Variants in DENND5A observed in about 807,000 individuals in gnomAD.
DENND5A encodes DENN domain containing 5A.
A neutral mutation model predicts 140.3 loss-of-function variants in DENND5A; 64 were observed. The observed-to-expected ratio is 0.46, with a 90% CI of 0.37 to 0.56. The LOEUF (loss-of-function observed/expected upper bound fraction) is 0.56, where lower values mean the gene tolerates loss of function less well. DENND5A is among the 20% of genes least tolerant of loss of function. DENND5A has a pLI of 0.00. For synonymous variants in DENND5A, 605 were observed against 607.7 expected, an observed-to-expected ratio of 1.00 and a Z score of 0.07; for missense variants, 1,292 against 1,593.8, an observed-to-expected ratio of 0.81 and a Z score of 3.22.
chr11:9,243,115 A>AAAAAAC (rs1564936263), intron 1 of DENND5A, among the ~76,000 whole-genome samples: 1 of 149,852 alleles, frequency 6.7e-6, no homozygotes. Context: ...CAAAAAAAAA[A>AAAAAAC]ACTGAGGCGA....
chr11:9,203,619 A>G (rs1436188390), intron 4 of DENND5A, 41 bp downstream of exon 4: 4 of 1,565,548 alleles, frequency 2.6e-6, no homozygotes, highest in Non-Finnish European at 3.5e-6. Context: ...AAAGCAAAGA[A>G]GCCTGAGGCA....
At chr11:9,230,764 G>A (rs1850737071) in intron 1 of DENND5A, among the ~76,000 whole-genome samples, 1 of 152,086 alleles carries the variant, frequency 6.6e-6, no homozygotes, top group South Asian at 2.1e-4. Flanking sequence ...AGGCCAAGGC[G>A]GGTAGATCAC....
chr11:9,234,968 C>T (rs556186917), intron 1 of DENND5A, among the ~76,000 whole-genome samples: 2 of 152,264 alleles, frequency 1.3e-5, no homozygotes, highest in East Asian at 3.9e-4. Context: ...GTCTTTTACT[C>T]CTCTAGCGCC....
intron 1 of DENND5A, among the ~76,000 whole-genome samples, chr11:9,241,137 G>A (rs1447451589): frequency 6.6e-6 from 1 of 152,142 alleles, no homozygotes; most frequent in Admixed American, 6.6e-5. Flanking sequence ...TTTGAAACCA[G>A]AACTGAAAGA....
At chr11:9,221,053 A>G (rs1850293233) in intron 1 of DENND5A, among the ~76,000 whole-genome samples, 2 of 150,978 alleles carry the variant, frequency 1.3e-5, no homozygotes, top group East Asian at 4.0e-4. Flanking sequence ...TTGAGCTCCA[A>G]CCTGGATGAG....
chr11:9,139,127 T>C lies in DENND5A; in HGVS notation c.*544A>G, dbSNP rs1292118418. ...GGCATGTCTCCTTCCCAAACAATAC[T>C]GACAAAAAAGAAAATACGTGGGACT... On this transcript the variant is annotated 3_prime_UTR_variant, in exon 23 of 23. Coordinates refer to ENST00000328194, the MANE Select transcript of DENND5A (RefSeq NM_015213.4). The C allele has an allele frequency of 6.5e-6, 1 of 152,704 alleles. No homozygotes were observed. The highest frequency in any genetic ancestry group is 1.5e-5 in the Non-Finnish European group (1 of 68,118). 9.5% of individuals were successfully genotyped at this position (152,704 alleles called of 1,614,324 possible). A position where few individuals can be genotyped will look rare whatever the true frequency, so the allele number is the denominator to read the frequency against.
At chr11:9,247,830 C>T (rs1851544540) in intron 1 of DENND5A, among the ~76,000 whole-genome samples, 1 of 152,166 alleles carries the variant, frequency 6.6e-6, no homozygotes, top group Admixed American at 6.6e-5. Context: ...AGATTCTCTA[C>T]AGACTCAAAT....
intron 8 of DENND5A, among the ~76,000 whole-genome samples, chr11:9,174,063 A>T (rs1168851449): frequency 7.5e-6 from 1 of 132,768 alleles, no homozygotes; most frequent in Non-Finnish European, 1.5e-5. Flanking sequence ...AGATCTCGCC[A>T]CTGCACTCCA....
At chr11:9,227,881 C>T (rs768992847) in intron 1 of DENND5A, among the ~76,000 whole-genome samples, 8 of 151,536 alleles carry the variant, frequency 5.3e-5, no homozygotes, top group African/African-American at 9.7e-5. Context: ...GCCGTGGGGG[C>T]GGGTGGCGAA....
intron 5 of DENND5A, among the ~76,000 whole-genome samples, chr11:9,182,097 C>T (rs1436449301): frequency 6.6e-6 from 1 of 152,070 alleles, no homozygotes; most frequent in Non-Finnish European, 1.5e-5. Flanking sequence ...AGGCAGATCA[C>T]CTGAGGTCAG....
chr11:9,189,456 G>A (rs1399190709), intron 5 of DENND5A, among the ~76,000 whole-genome samples: 3 of 152,124 alleles, frequency 2.0e-5, no homozygotes, highest in Admixed American at 1.3e-4. Context: ...ACCCCAGAAT[G>A]GTAGATCCAC....
chr11:9,206,803 T>C (rs910363398), intron 2 of DENND5A, 21 bp from the exon 3 acceptor site: 1 of 1,527,666 alleles, frequency 6.5e-7, no homozygotes, highest in Non-Finnish European at 9.1e-7. Context: ...AAGAATGAAG[T>C]AAATCATTTC....
chr11:9,177,926 T>C (rs969581984), intron 8 of DENND5A: 1 of 571,128 alleles, frequency 1.8e-6, no homozygotes, highest in Admixed American at 3.1e-5. Context: ...CTCTACTACA[T>C]ACAATGAGAT....
At chr11:9,235,093 A>G (rs1443145320) in intron 1 of DENND5A, among the ~76,000 whole-genome samples, 1 of 152,192 alleles carries the variant, frequency 6.6e-6, no homozygotes, top group Non-Finnish European at 1.5e-5. Flanking sequence ...TAAAGTTACT[A>G]TAAAGTTCAG....
At chr11:9,264,855 A>T in intron 1 of DENND5A, 106 bp downstream of exon 1, 4 of 1,038,648 alleles carry the variant, frequency 3.9e-6, no homozygotes, top group Non-Finnish European at 5.6e-6. Context: ...CTCCCGGCCG[A>T]CACTCGCCCG....
chr11:9,162,984 G>A (rs1184256481), intron 11 of DENND5A, among the ~76,000 whole-genome samples: 1 of 151,874 alleles, frequency 6.6e-6, no homozygotes, highest in Non-Finnish European at 1.5e-5. Context: ...GATCACAGGT[G>A]TGTGCTGATA....
intron 22 of DENND5A, among the ~76,000 whole-genome samples, chr11:9,141,484 C>CTACTATA (rs1476030361): frequency 1.1e-3 from 172 of 152,348 alleles, no homozygotes; most frequent in Admixed American, 2.2e-3. Flanking sequence ...TATGTCTAGC[C>CTACTATA]TGTTGCTCCT....
chr11:9,172,081 G>A (rs1848391290), intron 8 of DENND5A: 1 of 152,134 alleles, frequency 6.6e-6, no homozygotes, highest in African/African-American at 2.4e-5. Context: ...CATTAAAAGA[G>A]TATCAGCGGT....
chr11:9,262,576 C>T (rs2136310706), intron 1 of DENND5A, among the ~76,000 whole-genome samples: 1 of 152,196 alleles, frequency 6.6e-6, no homozygotes, highest in South Asian at 2.1e-4. Flanking sequence ...CCTCATTTTC[C>T]CCTCTGAGGT....
Sources: gnomAD v4.1 joint callset for allele counts (sites outside exome capture counted in the v4.1 genomes callset) on GRCh38, gnomAD v4.1.1 for gene constraint, MANE v1.5 for transcripts, NCBI Gene and HGNC (gene_info 2026-07-23, HGNC 2026-07-21) for gene names.